Variants in KIAA1958 observed in about 807,000 individuals in gnomAD.
The protein encoded by KIAA1958 is KIAA1958.
KIAA1958 carries 14 observed loss-of-function variants against 47.2 expected under a neutral mutation model. That is an observed-to-expected ratio of 0.30 (90% CI 0.20 to 0.46). The LOEUF (loss-of-function observed/expected upper bound fraction) is 0.46. Ranked by LOEUF, KIAA1958 falls within the 20% of genes least tolerant of loss-of-function variation. The pLI is 1.00. For missense variants in KIAA1958, 803 were observed against 909.2 expected (o/e 0.88, Z 1.50); for synonymous variants, 354 against 353.3 (o/e 1.00, Z -0.02).
At chr9:112,487,485 G>A (rs1278978543) in intron 1 of KIAA1958, among the ~76,000 whole-genome samples, 1 of 152,128 alleles carries the variant, frequency 6.6e-6, no homozygotes, top group Non-Finnish European at 1.5e-5. Context: ...TGGGTCTGTC[G>A]GAGGTGGGAA....
intron 3 of KIAA1958, among the ~76,000 whole-genome samples, chr9:112,652,569 T>C (rs1426782676): frequency 6.6e-6 from 1 of 152,226 alleles, no homozygotes; most frequent in East Asian, 1.9e-4. Context: ...TTAAGTCAGC[T>C]TGGTTCGCCT....
intron 3 of KIAA1958, among the ~76,000 whole-genome samples, chr9:112,654,631 G>A (rs534996366): frequency 4.7e-5 from 7 of 147,928 alleles, no homozygotes; most frequent in East Asian, 3.9e-4. Flanking sequence ...AAGGAGTCTC[G>A]ACTACTATAA....
chr9:112,648,527 C>G (rs962969093), intron 3 of KIAA1958, among the ~76,000 whole-genome samples: 5 of 152,146 alleles, frequency 3.3e-5, no homozygotes, highest in Non-Finnish European at 7.4e-5. Flanking sequence ...GTACTTGGCA[C>G]TCACACAGAA....
intron 3 of KIAA1958, among the ~76,000 whole-genome samples, chr9:112,658,618 C>G (rs1172604977): frequency 6.6e-6 from 1 of 152,122 alleles, no homozygotes; most frequent in Non-Finnish European, 1.5e-5. Context: ...TTAAGCATTA[C>G]AGCCTTGGAG....
At chr9:112,531,256 C>T (rs892258169) in intron 1 of KIAA1958, among the ~76,000 whole-genome samples, 4 of 152,024 alleles carry the variant, frequency 2.6e-5, no homozygotes, top group East Asian at 1.9e-4. Flanking sequence ...GGCGTGGTGG[C>T]GCATGCCTGT....
At chr9:112,509,016 G>A (rs1171594513) in intron 1 of KIAA1958, among the ~76,000 whole-genome samples, 3 of 151,778 alleles carry the variant, frequency 2.0e-5, no homozygotes, top group Non-Finnish European at 4.4e-5. Context: ...TAGCTGACTT[G>A]TGATTAAAAT....
At chr9:112,598,951 G>A (rs568724095) in intron 2 of KIAA1958, among the ~76,000 whole-genome samples, 35 of 152,104 alleles carry the variant, frequency 2.3e-4, no homozygotes, top group Admixed American at 5.9e-4. Context: ...GTGCAGTAGC[G>A]TGTGCCTGTA....
At chr9:112,489,804 T>C (rs1833931661) in intron 1 of KIAA1958, among the ~76,000 whole-genome samples, 1 of 152,244 alleles carries the variant, frequency 6.6e-6, no homozygotes, top group Admixed American at 6.5e-5. Flanking sequence ...GGCTTTAAAA[T>C]CCATGGACTT....
At chr9:112,562,905 G>A (rs548155681) in intron 1 of KIAA1958, among the ~76,000 whole-genome samples, 1 of 150,718 alleles carries the variant, frequency 6.6e-6, no homozygotes, top group South Asian at 2.1e-4. Context: ...GGCTCAGGCG[G>A]TCCTCCCACC....
In KIAA1958 at chr9:112,541,227, G is replaced by T. The variant is rs114935432; in HGVS notation, c.-24-32830G>T. ...GCGTCCTTGTTTTAAATTTTTAATG[G>T]CAGTCTTGTTTCAGTTTCAAAGTTT... On this transcript the variant is annotated intron_variant, in intron 1 of 3. Coordinates refer to ENST00000337530, the MANE Select transcript of KIAA1958 (RefSeq NM_133465.4). Among the ~76,000 whole-genome samples the T allele has an allele frequency of 7.1e-3, 1,084 of 152,034 alleles. 14 individuals carry two copies. Among genetic ancestry groups the T allele is most frequent in the African/African-American group, 0.025 (1,047 of 41,446 alleles).
At chr9:112,571,526 G>A (rs1265584612) in intron 1 of KIAA1958, among the ~76,000 whole-genome samples, 1 of 152,188 alleles carries the variant, frequency 6.6e-6, no homozygotes, top group Non-Finnish European at 1.5e-5. Flanking sequence ...GGGAAGCTGG[G>A]AAAAATATTT....
chr9:112,637,853 T>G (rs553451086), intron 2 of KIAA1958, among the ~76,000 whole-genome samples: 4 of 152,276 alleles, frequency 2.6e-5, no homozygotes, highest in African/African-American at 9.6e-5. Context: ...CTTTTTAAAC[T>G]TTCTCTTATG....
chr9:112,523,276 C>T (rs954641419), intron 1 of KIAA1958, among the ~76,000 whole-genome samples: 1 of 151,968 alleles, frequency 6.6e-6, no homozygotes, highest in Non-Finnish European at 1.5e-5. Flanking sequence ...ATGGTGAAAC[C>T]CTTCCTCTAC....
At chr9:112,648,136 T>A (rs1313773328) in intron 3 of KIAA1958, among the ~76,000 whole-genome samples, 2 of 152,160 alleles carry the variant, frequency 1.3e-5, no homozygotes, top group African/African-American at 4.8e-5. Flanking sequence ...ATGAAAGATA[T>A]AAAACAATGT....
At position 112,591,739 on chromosome 9, in the gene KIAA1958, G is replaced by T. The variant is rs1835926490; in HGVS notation, c.1171+16488G>T. Among the ~76,000 whole-genome samples the T allele has an allele frequency of 2.0e-5, 3 of 152,150 alleles. No individual in the cohort carries two copies. In the South Asian group the frequency reaches 6.2e-4, roughly 32 times the overall value. On this transcript the variant is annotated intron_variant, in intron 2 of 3. Coordinates refer to ENST00000337530, the MANE Select transcript of KIAA1958 (RefSeq NM_133465.4). ...ACTTGTCTCCACAAAAAAAAGAAAA[G>T]AAAATTTACAATGTGTGGTAGTGTG...
chr9:112,646,050 A>G (rs1364364548), intron 3 of KIAA1958, among the ~76,000 whole-genome samples: 4 of 151,876 alleles, frequency 2.6e-5, no homozygotes, highest in African/African-American at 9.7e-5. Flanking sequence ...ATTAATTTCA[A>G]TTTGGTAAAA....
chr9:112,526,795 A>G (rs1834665360), intron 1 of KIAA1958, among the ~76,000 whole-genome samples: 1 of 152,236 alleles, frequency 6.6e-6, no homozygotes, highest in Non-Finnish European at 1.5e-5. Flanking sequence ...TAATACTGTT[A>G]CACTAGCAAT....
chr9:112,624,808 G>C (rs1836577774), intron 2 of KIAA1958, among the ~76,000 whole-genome samples: 1 of 152,172 alleles, frequency 6.6e-6, no homozygotes, highest in Admixed American at 6.5e-5. Context: ...AATTAGGTCT[G>C]TGTGTTAATG....
chr9:112,507,654 A>G (rs923903669), intron 1 of KIAA1958, among the ~76,000 whole-genome samples: 2 of 152,150 alleles, frequency 1.3e-5, no homozygotes, highest in African/African-American at 2.4e-5. Context: ...GTGCCTGGCC[A>G]GTTTGATTCT....
Sources: allele counts gnomAD v4.1 joint callset (sites outside exome capture counted in the v4.1 genomes callset), GRCh38; gene constraint gnomAD v4.1.1; transcripts MANE v1.5; gene names NCBI Gene and HGNC (gene_info 2026-07-23, HGNC 2026-07-21).